The following TIAM2 variants were observed in gnomAD, a reference collection of about 807,000 sequenced individuals.
TIAM2 encodes the protein rho guanine nucleotide exchange factor TIAM2.
Under a neutral mutation model 152.9 loss-of-function variants are expected in TIAM2, and 80 were observed. The ratio of observed to expected loss-of-function variants is 0.52; its 90% CI spans 0.44 to 0.63. The LOEUF (loss-of-function observed/expected upper bound fraction) is 0.63, where lower values mean the gene tolerates loss of function less well. TIAM2 is among the 30% of genes least tolerant of loss of function. The pLI is 0.00. For synonymous variants in TIAM2, 804 were observed against 838.0 expected (o/e 0.96, Z 0.70); for missense variants, 1,965 against 2,120.1 (o/e 0.93, Z 1.44).
At chr6:155,020,548 G>A (rs9384268) in intron 1 of TIAM2, among the ~76,000 whole-genome samples, 60,020 of 151,976 alleles carry the variant, frequency 0.39, 13,127 homozygotes, top group East Asian at 0.47. Flanking sequence ...TGAAACCTCC[G>A]CCCCCTGGGT....
intron 1 of TIAM2, among the ~76,000 whole-genome samples, chr6:155,003,034 G>C (rs1426522963): frequency 1.3e-5 from 2 of 152,042 alleles, no homozygotes; most frequent in African/African-American, 2.4e-5. Context: ...ATCCAGCCTG[G>C]TGCTTTAGTG....
At chr6:155,190,911 T>G (rs75370941) in intron 14 of TIAM2, among the ~76,000 whole-genome samples, 14,821 of 152,286 alleles carry the variant, frequency 0.097, 998 homozygotes, top group Admixed American at 0.25. Context: ...TGTTTGTGTT[T>G]CTATTTTTTT....
intron 6 of TIAM2, among the ~76,000 whole-genome samples, chr6:155,146,063 A>T (rs927019191): frequency 2.6e-5 from 4 of 152,206 alleles, no homozygotes; most frequent in African/African-American, 7.2e-5. Context: ...GTGTGAAATG[A>T]ATGTTTTATT....
intron 2 of TIAM2, among the ~76,000 whole-genome samples, chr6:155,115,050 A>T (rs141407542): frequency 0.021 from 3,214 of 151,318 alleles, 149 homozygotes; most frequent in Admixed American, 0.12. Context: ...CTGGTCTCAA[A>T]CTCCTGACCT....
intron 1 of TIAM2, among the ~76,000 whole-genome samples, chr6:155,067,877 A>G (rs539341795): frequency 6.6e-6 from 1 of 152,210 alleles, no homozygotes; most frequent in Non-Finnish European, 1.5e-5. Flanking sequence ...CCTGGGGTCA[A>G]GTGATCCACC....
chr6:155,215,676 A>G (rs2115226182), intron 15 of TIAM2, among the ~76,000 whole-genome samples: 1 of 152,128 alleles, frequency 6.6e-6, no homozygotes, highest in East Asian at 1.9e-4. Flanking sequence ...TTCAAATTTA[A>G]GGATCACATT....
At chr6:155,039,001 C>T (rs1273693078) in intron 1 of TIAM2, among the ~76,000 whole-genome samples, 1 of 146,806 alleles carries the variant, frequency 6.8e-6, no homozygotes, top group Non-Finnish European at 1.5e-5. Context: ...TACTCTGTCA[C>T]CCAGGCTAGA....
At chr6:155,161,652 C>A (rs1483930443) in intron 7 of TIAM2, among the ~76,000 whole-genome samples, 14 of 151,776 alleles carry the variant, frequency 9.2e-5, no homozygotes, top group Admixed American at 9.2e-4. Flanking sequence ...ACTGCAGCCT[C>A]CACCTCCGGG....
chr6:155,210,676 G>T (rs1248104116), intron 14 of TIAM2, among the ~76,000 whole-genome samples: 1 of 152,148 alleles, frequency 6.6e-6, no homozygotes, highest in African/African-American at 2.4e-5. Context: ...GTTAATAAGG[G>T]TTTACTGATC....
At chr6:155,233,990 A>G (rs1469440364) in intron 15 of TIAM2, among the ~76,000 whole-genome samples, 1 of 113,256 alleles carries the variant, frequency 8.8e-6, no homozygotes, top group African/African-American at 3.2e-5. Flanking sequence ...ACAATTTGAG[A>G]GAAAATTTTT....
intron 5 of TIAM2, among the ~76,000 whole-genome samples, chr6:155,139,934 A>G (rs905514665): frequency 1.2e-4 from 18 of 151,234 alleles, no homozygotes; most frequent in Admixed American, 6.5e-5. Flanking sequence ...GTGAAACTCC[A>G]TCTCAAAAAC....
At chr6:155,232,799 T>C (rs897062300) in intron 15 of TIAM2, 2 of 152,228 alleles carry the variant, frequency 1.3e-5, no homozygotes, top group Non-Finnish European at 2.9e-5. Context: ...GTCTCTTTCC[T>C]AGTAGCTTTC....
chr6:155,044,975 G>A (rs750486991), intron 1 of TIAM2, among the ~76,000 whole-genome samples: 2 of 150,508 alleles, frequency 1.3e-5, no homozygotes, highest in Non-Finnish European at 3.0e-5. Context: ...ATCCATTGGT[G>A]TTTCTTTTCA....
intron 9 of TIAM2, among the ~76,000 whole-genome samples, chr6:155,170,905 C>T (rs550271749): frequency 4.6e-5 from 7 of 152,256 alleles, no homozygotes; most frequent in African/African-American, 1.2e-4. Flanking sequence ...TCTGTGCTAT[C>T]GTACCCAGAT....
At chr6:155,177,037 CTTATGCCT>C in intron 10 of TIAM2, 60 bp downstream of exon 10, 1 of 1,526,802 alleles carries the variant, frequency 6.5e-7, no homozygotes, top group Non-Finnish European at 8.8e-7. Context: ...ATGTTGCAAT[CTTATGCCT>C]TCTAAATTCA....
At chr6:155,086,091 A>C (rs1362830435) in intron 1 of TIAM2, among the ~76,000 whole-genome samples, 2 of 152,212 alleles carry the variant, frequency 1.3e-5, no homozygotes, top group African/African-American at 4.8e-5. Flanking sequence ...CACTTGCTGG[A>C]TTGCAGTCCA....
rs559307371 is a variant in TIAM2 at position 155,070,209 on chromosome 6, CTTTTTTTTT to C, written c.-208-20059_-208-20051del. On this transcript the variant is annotated intron_variant, in intron 1 of 26. Transcript: ENST00000682666. ...GTATGAGCCACCGCGCCTGGCCAGA[CTTTTTTTTT>C]TTTTTTTTTTTTTTTTTTTTGAGAT... Among the ~76,000 whole-genome samples the C allele has an allele frequency of 1.0e-3, 45 of 44,142 alleles. No homozygotes were observed. The South Asian group carries it at 0.035, about 34-fold the overall frequency. 29.0% of individuals were successfully genotyped at this position (44,142 alleles called of 152,430 possible).
intron 1 of TIAM2, among the ~76,000 whole-genome samples, chr6:155,062,207 A>T (rs1451165489): frequency 1.3e-5 from 2 of 151,366 alleles, no homozygotes; most frequent in Non-Finnish European, 2.9e-5. Flanking sequence ...CATTGTATGT[A>T]TGCAGTCACT....
In TIAM2 at chr6:155,186,939, A is replaced by T. The variant is rs1019139686; in HGVS notation, c.3064+3439A>T. ...CAACCATGTACTTGAAAAGAAGGAA[A>T]GTTCTGTTTGCTTTTCCAGAGAAGC... is the stretch of plus-strand genomic sequence containing the variant. On this transcript the variant is annotated intron_variant, in intron 14 of 26. Coordinates refer to ENST00000682666, the MANE Select transcript of TIAM2 (RefSeq NM_012454.4). The surrounding 1 kb of genome is among the most constrained non-coding windows in gnomAD (Gnocchi z 4.5). Among the ~76,000 whole-genome samples, 4 of 152,184 alleles carry T rather than the reference A, an allele frequency of 2.6e-5. No individual in the cohort carries two copies.
Sources: allele counts gnomAD v4.1 joint callset (sites outside exome capture counted in the v4.1 genomes callset), GRCh38; gene constraint gnomAD v4.1.1; non-coding constraint Gnocchi (gnomAD v3.1); transcripts MANE v1.5; gene names NCBI Gene and HGNC (gene_info 2026-07-23, HGNC 2026-07-21).